The following PPARGC1A variants were observed in gnomAD, a reference collection of about 807,000 sequenced individuals.
PPARGC1A encodes the protein PPARG coactivator 1 alpha.
PPARGC1A carries 25 observed loss-of-function variants against 88.7 expected under a neutral mutation model. The ratio of observed to expected loss-of-function variants is 0.28; its 90% confidence interval spans 0.21 to 0.39. The LOEUF is 0.39. Among genes scored for constraint, PPARGC1A ranks in the 10% least tolerant of loss-of-function variants. The pLI, the probability that PPARGC1A is intolerant of heterozygous loss-of-function variation, is 1.00. For synonymous variants in PPARGC1A, 363 were observed against 355.6 expected, an observed-to-expected ratio of 1.02 and a Z score of -0.24; for missense variants, 880 against 968.7, an observed-to-expected ratio of 0.91 and a Z score of 1.22.
At chr4:24,139,680 G>A in the PPARGC1A span, among the ~76,000 whole-genome samples, 1 of 152,084 alleles carries the variant, frequency 6.6e-6, no homozygotes, top group African/African-American at 2.4e-5. Context: ...ATTCTTGACT[G>A]TGCATGTTAG....
chr4:24,308,020 G>A, the PPARGC1A span, among the ~76,000 whole-genome samples: 15 of 152,180 alleles, frequency 9.9e-5, no homozygotes, highest in East Asian at 3.9e-4. Context: ...GGCTGGGTGC[G>A]GTGGCTCATG....
the PPARGC1A span, among the ~76,000 whole-genome samples, chr4:24,251,974 TATTACTAATATC>T: frequency 6.6e-6 from 1 of 152,316 alleles, no homozygotes; most frequent in African/African-American, 2.4e-5. Flanking sequence ...AATAGTACTT[TATTACTAATATC>T]ATTACTAATA....
the PPARGC1A span, among the ~76,000 whole-genome samples, chr4:24,067,544 G>A: frequency 6.6e-6 from 1 of 152,176 alleles, no homozygotes; most frequent in Non-Finnish European, 1.5e-5. Flanking sequence ...AGAACACGCA[G>A]ATCTGGAATC....
chr4:24,083,290 T>A, the PPARGC1A span, among the ~76,000 whole-genome samples: 1 of 152,114 alleles, frequency 6.6e-6, no homozygotes, highest in East Asian at 1.9e-4. Context: ...CTTTTTACAG[T>A]AGACATAAAG....
At chr4:24,065,906 C>G in the PPARGC1A span, among the ~76,000 whole-genome samples, 1 of 152,162 alleles carries the variant, frequency 6.6e-6, no homozygotes, top group East Asian at 1.9e-4. Context: ...AAATTAGGCC[C>G]AGGCCCTGTA....
At chr4:24,412,671 G>A in the PPARGC1A span, among the ~76,000 whole-genome samples, 2 of 152,054 alleles carry the variant, frequency 1.3e-5, no homozygotes, top group African/African-American at 2.4e-5. Context: ...TAGTGGAGAC[G>A]GGGTTTCACT....
chr4:24,276,927 A>G, the PPARGC1A span, among the ~76,000 whole-genome samples: 5 of 152,302 alleles, frequency 3.3e-5, no homozygotes, highest in East Asian at 9.7e-4. Flanking sequence ...AATGATGAAT[A>G]TCAAGCGTCA....
the PPARGC1A span, among the ~76,000 whole-genome samples, chr4:24,105,232 T>A: frequency 6.6e-6 from 1 of 152,240 alleles, no homozygotes; most frequent in Non-Finnish European, 1.5e-5. Flanking sequence ...CTTCATGGTT[T>A]ATCCCACGTT....
At chr4:24,146,033 G>A in the PPARGC1A span, among the ~76,000 whole-genome samples, 1 of 152,286 alleles carries the variant, frequency 6.6e-6, no homozygotes, top group South Asian at 2.1e-4. Flanking sequence ...AAATGAGTTT[G>A]AGAATGCATG....
chr4:24,222,661 A>G, the PPARGC1A span, among the ~76,000 whole-genome samples: 2 of 152,244 alleles, frequency 1.3e-5, no homozygotes, highest in African/African-American at 4.8e-5. Flanking sequence ...TCCTAGGGAA[A>G]TGGCAAAAGT....
At chr4:24,372,757 TCAA>T in the PPARGC1A span, among the ~76,000 whole-genome samples, 1 of 152,228 alleles carries the variant, frequency 6.6e-6, no homozygotes, top group African/African-American at 2.4e-5. Flanking sequence ...TCTCTAAGCC[TCAA>T]CATTCTCATC....
At chr4:24,298,268 A>G in the PPARGC1A span, among the ~76,000 whole-genome samples, 1 of 152,172 alleles carries the variant, frequency 6.6e-6, no homozygotes, top group Non-Finnish European at 1.5e-5. Flanking sequence ...AATATTGTGT[A>G]GTGGCTTCAG....
At chr4:24,065,870 C>CTG in the PPARGC1A span, among the ~76,000 whole-genome samples, 5 of 152,178 alleles carry the variant, frequency 3.3e-5, no homozygotes, top group Admixed American at 1.3e-4. Context: ...ACCCCCTGTG[C>CTG]TGTGCCCTTT....
chr4:23,933,803 G>A, the PPARGC1A span, among the ~76,000 whole-genome samples: 1 of 152,196 alleles, frequency 6.6e-6, no homozygotes, highest in Admixed American at 6.5e-5. Context: ...ATATGCCACA[G>A]GGTATCAGCA....
the PPARGC1A span, among the ~76,000 whole-genome samples, chr4:23,985,172 C>T: frequency 6.6e-6 from 1 of 152,112 alleles, no homozygotes. Context: ...GCCAGCTGTT[C>T]TTCAGTTCTG....
At chr4:24,200,026 C>A in the PPARGC1A span, among the ~76,000 whole-genome samples, 1 of 152,018 alleles carries the variant, frequency 6.6e-6, no homozygotes, top group South Asian at 2.1e-4. Context: ...TCATGGAATA[C>A]TACAGAGTAG....
the PPARGC1A span, among the ~76,000 whole-genome samples, chr4:24,108,414 C>T: frequency 6.6e-6 from 1 of 152,122 alleles, no homozygotes; most frequent in East Asian, 1.9e-4. Context: ...CCACAATCCA[C>T]TCTAGTTCTA....
At chr4:24,380,353 A>C in the PPARGC1A span, among the ~76,000 whole-genome samples, 2 of 152,206 alleles carry the variant, frequency 1.3e-5, no homozygotes, top group Non-Finnish European at 2.9e-5. Context: ...AGGCACGAGA[A>C]ACAACAGAGA....
the PPARGC1A span, among the ~76,000 whole-genome samples, chr4:24,422,867 T>C: frequency 6.6e-6 from 1 of 152,212 alleles, no homozygotes; most frequent in Non-Finnish European, 1.5e-5. Flanking sequence ...ACCCCACTAG[T>C]TAAGCATCCT....
Sources: gnomAD v4.1 joint callset for allele counts (sites outside exome capture counted in the v4.1 genomes callset) on GRCh38, gnomAD v4.1.1 for gene constraint, MANE v1.5 for transcripts, NCBI Gene and HGNC (gene_info 2026-07-23, HGNC 2026-07-21) for gene names.